The following RGS17 variants were observed in gnomAD, a reference collection of about 807,000 sequenced individuals.
RGS17 encodes the protein regulator of G protein signaling 17.
Under a neutral mutation model 25.5 loss-of-function variants are expected in RGS17, and 12 were observed. The ratio of observed to expected loss-of-function variants is 0.47; its 90% confidence interval spans 0.30 to 0.76. The LOEUF (loss-of-function observed/expected upper bound fraction) is 0.76, where lower values mean the gene tolerates loss of function less well. Among genes scored for constraint, RGS17 ranks in the 30% least tolerant of loss-of-function variants. The probability of loss-of-function intolerance (pLI) is 0.07; values close to 1 mark genes in which losing one functional copy is unlikely to be tolerated. For missense variants in RGS17, 196 were observed against 242.2 expected, an observed-to-expected ratio of 0.81 and a Z score of 1.27; for synonymous variants, 71 against 76.9, an observed-to-expected ratio of 0.92 and a Z score of 0.40.
rs1779054150 is a variant in RGS17 at position 153,004,645 on chromosome 6, C to T, written c.*6929G>A. 6.6e-6 allele frequency: 1 copy of T among 151,838 alleles called. No homozygotes were observed. Among genetic ancestry groups the T allele is most frequent in the Non-Finnish European group, 1.5e-5 (1 of 67,958 alleles). 9.4% of individuals were successfully genotyped at this position (151,838 alleles called of 1,614,324 possible). On this transcript the variant is annotated 3_prime_UTR_variant, in exon 5 of 5. Coordinates refer to ENST00000206262, the MANE Select transcript of RGS17 (RefSeq NM_012419.5). ...AATATTTTTACATTACTGTCATGCTCAAATTCTGTTACATGGTGAAAATTC... is the reference window on the plus strand; with the variant it reads ...AATATTTTTACATTACTGTCATGCTTAAATTCTGTTACATGGTGAAAATTC...
intron 1 of RGS17, among the ~76,000 whole-genome samples, chr6:153,054,047 ATATG>A (rs1584136072): frequency 7.0e-5 from 6 of 85,946 alleles, no homozygotes; most frequent in African/African-American, 2.6e-4. Context: ...ATATATGTAT[ATATG>A]TATATAATAT....
At chr6:153,050,805 A>G (rs1366038314) in intron 1 of RGS17, among the ~76,000 whole-genome samples, 2 of 152,194 alleles carry the variant, frequency 1.3e-5, no homozygotes, top group Non-Finnish European at 2.9e-5. Context: ...TTATGGACTG[A>G]ATGTTTATGT....
chr6:153,062,816 T>C (rs1376929969), intron 1 of RGS17, among the ~76,000 whole-genome samples: 3 of 152,064 alleles, frequency 2.0e-5, no homozygotes, highest in South Asian at 2.1e-4. Flanking sequence ...AAACAGGATA[T>C]GGCACTAATC....
intron 1 of RGS17, among the ~76,000 whole-genome samples, chr6:153,066,953 T>C (rs1346605228): frequency 6.6e-6 from 1 of 152,010 alleles, no homozygotes; most frequent in African/African-American, 2.4e-5. Flanking sequence ...GGCAGGAGAA[T>C]GGCGTGTACC....
At chr6:153,105,463 G>A (rs1777365422) in intron 1 of RGS17, among the ~76,000 whole-genome samples, 2 of 152,126 alleles carry the variant, frequency 1.3e-5, no homozygotes, top group South Asian at 4.1e-4. Flanking sequence ...AAAATAAAAA[G>A]ATGATTTAGT....
At chr6:153,123,758 A>G (rs1777669776) in intron 1 of RGS17, among the ~76,000 whole-genome samples, 2 of 152,228 alleles carry the variant, frequency 1.3e-5, no homozygotes, top group South Asian at 2.1e-4. Flanking sequence ...TGGACCCGGA[A>G]GAAGGGCAGG....
chr6:153,061,863 T>A (rs146608967), intron 1 of RGS17, among the ~76,000 whole-genome samples: 5 of 152,238 alleles, frequency 3.3e-5, no homozygotes, highest in Non-Finnish European at 5.9e-5. Context: ...AGAACAGCTT[T>A]ACTTGGCCAT....
rs1375231128 is a variant in RGS17 at position 153,008,795 on chromosome 6, T to A, written c.*2779A>T. ...GAAAACAAATATTGTGCTCTTGGAA[T>A]GGTAGCATAGACACCAGTTGAAGGC... On this transcript the variant is annotated 3_prime_UTR_variant, in exon 5 of 5. Coordinates refer to ENST00000206262, the MANE Select transcript of RGS17 (RefSeq NM_012419.5). 6.6e-6 allele frequency: 1 copy of A among 152,204 alleles called. No individual in the cohort carries two copies. Among genetic ancestry groups the A allele is most frequent in the African/African-American group, 2.4e-5 (1 of 41,462 alleles). The allele number at this position is 152,204 out of a possible 1,614,324, so 9.4% of individuals were successfully genotyped here.
At chr6:153,095,210 C>A (rs1584154624) in intron 1 of RGS17, among the ~76,000 whole-genome samples, 1 of 151,906 alleles carries the variant, frequency 6.6e-6, no homozygotes, top group African/African-American at 2.4e-5. Context: ...TCATTGAGAT[C>A]CTGAGTAACA....
chr6:153,019,129 T>G (rs1021845101), intron 4 of RGS17, among the ~76,000 whole-genome samples: 2 of 152,216 alleles, frequency 1.3e-5, no homozygotes, highest in Non-Finnish European at 2.9e-5. Flanking sequence ...CACGGGTTTT[T>G]GGGCTTTCCC....
intron 1 of RGS17, among the ~76,000 whole-genome samples, chr6:153,119,227 C>T (rs1777587174): frequency 6.6e-6 from 1 of 152,146 alleles, no homozygotes; most frequent in Non-Finnish European, 1.5e-5. Flanking sequence ...TCTCTGGTAC[C>T]ATCTGGACCT....
At chr6:153,073,029 A>T (rs1233961564) in intron 1 of RGS17, among the ~76,000 whole-genome samples, 3 of 152,204 alleles carry the variant, frequency 2.0e-5, no homozygotes, top group Non-Finnish European at 4.4e-5. Context: ...CTACACACAC[A>T]TCAGGCCAAA....
intron 1 of RGS17, among the ~76,000 whole-genome samples, chr6:153,105,380 C>T (rs142253677): frequency 6.4e-4 from 97 of 152,202 alleles, no homozygotes; most frequent in African/African-American, 2.3e-3. Context: ...CTGTGCTGGG[C>T]ATTTAGAAAA....
intron 4 of RGS17, among the ~76,000 whole-genome samples, chr6:153,020,111 A>AAAAAAT (rs1426592195): frequency 1.6e-3 from 95 of 58,444 alleles, no homozygotes; most frequent in East Asian, 0.015. Context: ...AAAAAAAAAA[A>AAAAAAT]ATATATATAT....
At chr6:153,083,457 C>G (rs986904183) in intron 1 of RGS17, among the ~76,000 whole-genome samples, 1 of 151,972 alleles carries the variant, frequency 6.6e-6, no homozygotes, top group Admixed American at 6.5e-5. Context: ...TTTCTAATTT[C>G]TTTTTAATTT....
At chr6:153,030,867 T>G (rs1293624038) in intron 2 of RGS17, among the ~76,000 whole-genome samples, 1 of 152,200 alleles carries the variant, frequency 6.6e-6, no homozygotes, top group African/African-American at 2.4e-5. Context: ...GGCATTGTGA[T>G]AAGAACTCGG....
At chr6:153,034,371 G>A (rs1435665761) in intron 2 of RGS17, among the ~76,000 whole-genome samples, 5 of 152,154 alleles carry the variant, frequency 3.3e-5, no homozygotes, top group African/African-American at 1.2e-4. Flanking sequence ...GCTGGGAAGC[G>A]CGAAGTGATA....
At chr6:153,078,783 C>CTA (rs1326851045) in intron 1 of RGS17, among the ~76,000 whole-genome samples, 1 of 151,894 alleles carries the variant, frequency 6.6e-6, no homozygotes, top group Non-Finnish European at 1.5e-5. Context: ...AAAGATTTAT[C>CTA]TATATATATT....
intron 1 of RGS17, among the ~76,000 whole-genome samples, chr6:153,079,325 G>A (rs1776935536): frequency 6.6e-6 from 1 of 152,090 alleles, no homozygotes; most frequent in Non-Finnish European, 1.5e-5. Context: ...TGATCTGCCC[G>A]CTTCTGCCTC....
Sources: allele counts gnomAD v4.1 joint callset (sites outside exome capture counted in the v4.1 genomes callset), GRCh38; gene constraint gnomAD v4.1.1; transcripts MANE v1.5; gene names NCBI Gene and HGNC (gene_info 2026-07-23, HGNC 2026-07-21).